COL5A2: variants seen among roughly 807,000 people sequenced by gnomAD.
The protein encoded by COL5A2 is collagen alpha-2(V) chain.
In COL5A2, 23 loss-of-function variants were observed where a neutral mutation model predicts 208.2. The ratio of observed to expected loss-of-function variants is 0.11; its 90% CI spans 0.08 to 0.16. The LOEUF (loss-of-function observed/expected upper bound fraction) is 0.16. COL5A2 is among the 10% of genes least tolerant of loss of function. COL5A2 has a pLI of 1.00. For missense variants in COL5A2, 1,590 were observed against 1,956.4 expected, an observed-to-expected ratio of 0.81 and a Z score of 3.53; for synonymous variants, 625 against 628.5, an observed-to-expected ratio of 0.99 and a Z score of 0.08.
the COL5A2 span, among the ~76,000 whole-genome samples, chr2:189,281,426 A>C: frequency 6.6e-6 from 1 of 152,176 alleles, no homozygotes. Flanking sequence ...GTAAAATTGC[A>C]ATGAATGGAG....
At chr2:189,316,868 T>A in the COL5A2 span, among the ~76,000 whole-genome samples, 1 of 151,904 alleles carries the variant, frequency 6.6e-6, no homozygotes, top group Non-Finnish European at 1.5e-5. Context: ...TAATTATACA[T>A]TTTAAAATAA....
intron 1 of COL5A2, among the ~76,000 whole-genome samples, chr2:189,223,209 T>G: frequency 6.6e-6 from 1 of 152,296 alleles, no homozygotes; most frequent in Middle Eastern, 3.4e-3. Context: ...AATGAAGCCA[T>G]TATGGAAAAG....
the COL5A2 span, among the ~76,000 whole-genome samples, chr2:189,328,229 A>G: frequency 6.6e-6 from 1 of 152,230 alleles, no homozygotes; most frequent in Non-Finnish European, 1.5e-5. Flanking sequence ...ACTAACTGAT[A>G]TTTAACTAAT....
the COL5A2 span, among the ~76,000 whole-genome samples, chr2:189,423,536 A>G: frequency 6.6e-6 from 1 of 152,098 alleles, no homozygotes; most frequent in Non-Finnish European, 1.5e-5. Flanking sequence ...AATGAAACAA[A>G]AAATATCACA....
the COL5A2 span, among the ~76,000 whole-genome samples, chr2:189,396,861 G>A: frequency 1.3e-5 from 2 of 151,192 alleles, no homozygotes; most frequent in Non-Finnish European, 3.0e-5. Context: ...CCATGGTGGC[G>A]GGCACCTGTA....
chr2:189,382,608 T>C, the COL5A2 span, among the ~76,000 whole-genome samples: 2 of 152,178 alleles, frequency 1.3e-5, no homozygotes, highest in African/African-American at 4.8e-5. Context: ...CACGTCCATA[T>C]AAGAGACCAC....
chr2:189,121,113 T>C (rs887327506), intron 1 of COL5A2, among the ~76,000 whole-genome samples: 2 of 152,056 alleles, frequency 1.3e-5, no homozygotes, highest in South Asian at 2.1e-4. Context: ...TGGGAACATG[T>C]AGGAAGGGCA....
At chr2:189,336,517 C>T in the COL5A2 span, among the ~76,000 whole-genome samples, 6 of 152,280 alleles carry the variant, frequency 3.9e-5, no homozygotes, top group African/African-American at 1.4e-4. Context: ...ATTCATATAA[C>T]AGGAAATTGC....
rs1685343835 is a variant in COL5A2 at position 189,031,956 on chromosome 2, C to A, written c.*2114G>T. On this transcript the variant is annotated 3_prime_UTR_variant, in exon 54 of 54. Coordinates refer to ENST00000374866, the MANE Select transcript of COL5A2 (RefSeq NM_000393.5). ...AAAATCCAAATAAGAACTGTTATTT[C>A]TATAGTTGGAAATTGTTAGTGTTTG... The A allele has an allele frequency of 6.6e-6, 1 of 152,024 alleles. No homozygotes were observed. The highest frequency in any genetic ancestry group is 6.6e-5 in the Admixed American group (1 of 15,252). 9.4% of individuals were successfully genotyped at this position (152,024 alleles called of 1,614,324 possible).
At chr2:189,301,328 C>T in the COL5A2 span, among the ~76,000 whole-genome samples, 1 of 152,096 alleles carries the variant, frequency 6.6e-6, no homozygotes, top group Non-Finnish European at 1.5e-5. Flanking sequence ...CTTTCTGATA[C>T]CCTACCCAAT....
At chr2:189,345,710 C>T in the COL5A2 span, among the ~76,000 whole-genome samples, 1 of 151,986 alleles carries the variant, frequency 6.6e-6, no homozygotes, top group Non-Finnish European at 1.5e-5. Flanking sequence ...CTGGTGAACC[C>T]ACTGGTTGTT....
chr2:189,253,642 A>C, the COL5A2 span, among the ~76,000 whole-genome samples: 1 of 152,188 alleles, frequency 6.6e-6, no homozygotes, highest in Middle Eastern at 3.2e-3. Flanking sequence ...GCTAAAATCC[A>C]ACCTAATCCC....
chr2:189,253,086 G>A, the COL5A2 span, among the ~76,000 whole-genome samples: 2 of 152,224 alleles, frequency 1.3e-5, no homozygotes, highest in African/African-American at 4.8e-5. Flanking sequence ...GAGATGTCTG[G>A]TGGCATGAGA....
rs1274066313 is a variant in COL5A2, at chr2:189,086,757, G to C, written c.659C>G (p.Pro220Arg). The C allele has an allele frequency of 6.3e-7, 1 of 1,582,670 alleles. No homozygotes were observed. Among genetic ancestry groups the C allele is most frequent in the Non-Finnish European group, 8.6e-7 (1 of 1,160,918 alleles). ...TCCTTGTAAACCCTGTGGTCCCCTT[G>C]GGCCAACAGGACCCTTAAAAACAAA... is the stretch of plus-strand genomic sequence containing the variant. ...LMPGSVGPVG[P>R]RGPQGLQGQQ... Residue 220 changes from proline to arginine, a missense_variant, in exon 9 of 54, where the codon CCA (proline) becomes CGA (arginine). Transcript: ENST00000374866.
At chr2:189,203,744 A>T (rs2351631) in intron 1 of COL5A2, among the ~76,000 whole-genome samples, 113,911 of 152,118 alleles carry the variant, frequency 0.75, 44,789 homozygotes, top group Non-Finnish European at 0.87. Flanking sequence ...TAATTAAATG[A>T]ATAATTAGTT....
chr2:189,239,686 G>A, the COL5A2 span, among the ~76,000 whole-genome samples: 1 of 151,122 alleles, frequency 6.6e-6, no homozygotes. Flanking sequence ...GAGTTAATGG[G>A]TGCAGCACAC....
At chr2:189,134,047 A>G (rs1365705114) in intron 1 of COL5A2, among the ~76,000 whole-genome samples, 1 of 152,034 alleles carries the variant, frequency 6.6e-6, no homozygotes, top group Non-Finnish European at 1.5e-5. Flanking sequence ...ACTAAAAATG[A>G]TATGCTGATT....
chr2:189,034,294 CT>C, intron 53 of COL5A2, 78 bp from the exon 54 acceptor site: 1 of 1,490,588 alleles, frequency 6.7e-7, no homozygotes, highest in Admixed American at 1.7e-5. Flanking sequence ...TTCCCAGACA[CT>C]TTTATAATGT....
chr2:189,199,892 A>G (rs1689050050), intron 1 of COL5A2, among the ~76,000 whole-genome samples: 1 of 152,198 alleles, frequency 6.6e-6, no homozygotes, highest in South Asian at 2.1e-4. Context: ...TGACCATTAC[A>G]GGTTGCATCA....
Sources: gnomAD v4.1 joint callset for allele counts (sites outside exome capture counted in the v4.1 genomes callset) on GRCh38, gnomAD v4.1.1 for gene constraint, MANE v1.5 for transcripts, NCBI Gene and HGNC (gene_info 2026-07-23, HGNC 2026-07-21) for gene names.